Variants in ACER3 observed in about 807,000 individuals in gnomAD.
The protein encoded by ACER3 is alkaline ceramidase 3.
ACER3 carries 16 observed loss-of-function variants against 48.9 expected under a neutral mutation model. That is an observed-to-expected ratio of 0.33 (90% CI 0.22 to 0.50). The LOEUF (loss-of-function observed/expected upper bound fraction) is 0.50, where lower values mean the gene tolerates loss of function less well. Among genes scored for constraint, ACER3 ranks in the 20% least tolerant of loss-of-function variants. The pLI, the probability that ACER3 is intolerant of heterozygous loss-of-function variation, is 0.98. For synonymous variants in ACER3, 109 were observed against 107.8 expected (o/e 1.01, Z -0.07); for missense variants, 227 against 326.0 (o/e 0.70, Z 2.34).
At chr11:76,933,341 G>T (rs1947070726) in intron 2 of ACER3, among the ~76,000 whole-genome samples, 2 of 143,312 alleles carry the variant, frequency 1.4e-5, no homozygotes, top group Non-Finnish European at 3.1e-5. Flanking sequence ...GGGGGATTTG[G>T]CAAGGTCATA....
intron 1 of ACER3, among the ~76,000 whole-genome samples, chr11:76,911,860 A>G (rs971830859): frequency 4.6e-5 from 7 of 152,184 alleles, no homozygotes; most frequent in Admixed American, 3.9e-4. Flanking sequence ...GGCAAGGGGA[A>G]TGAGGGAGTG....
intron 1 of ACER3, among the ~76,000 whole-genome samples, chr11:76,879,219 T>TA (rs1945463860): frequency 6.6e-6 from 1 of 152,152 alleles, no homozygotes. Context: ...GCTTGTCTAT[T>TA]ACCATATTTT....
intron 1 of ACER3, among the ~76,000 whole-genome samples, chr11:76,864,663 G>A (rs1417941428): frequency 6.6e-5 from 9 of 135,886 alleles, no homozygotes; most frequent in Admixed American, 2.4e-4. Flanking sequence ...GCAGTGTCGC[G>A]ATCTCGGCTC....
At chr11:76,929,518 G>A (rs1409856315) in intron 2 of ACER3, among the ~76,000 whole-genome samples, 3 of 152,232 alleles carry the variant, frequency 2.0e-5, no homozygotes, top group African/African-American at 7.2e-5. Flanking sequence ...AGTGGTGAGA[G>A]AGGGCATCCC....
chr11:76,980,785 T>G (rs1215544890), intron 4 of ACER3, among the ~76,000 whole-genome samples: 1 of 152,230 alleles, frequency 6.6e-6, no homozygotes, highest in Non-Finnish European at 1.5e-5. Flanking sequence ...ATTTAGTAAC[T>G]GAATGAGCTT....
intron 1 of ACER3, among the ~76,000 whole-genome samples, chr11:76,880,742 G>A (rs1284504729): frequency 6.6e-6 from 1 of 152,164 alleles, no homozygotes; most frequent in Non-Finnish European, 1.5e-5. Flanking sequence ...GGGAAGATTA[G>A]AGTATATTTT....
In ACER3 at chr11:76,985,712, A is replaced by G. The variant is rs769455875; in HGVS notation, c.390A>G (p.Leu130=). The G allele has an allele frequency of 5.2e-6, 8 of 1,538,502 alleles. No homozygotes were observed. The highest frequency in any genetic ancestry group is 7.0e-6 in the Non-Finnish European group (8 of 1,145,112). The change falls in exon 5 of 11, where the codon TTA becomes TTG. Residue 130 remains leucine (L), a synonymous_variant. Transcript: ENST00000532485. ...TTTTTACCTTAGTTCTATTCAGTTT[A>G]ATAGTAACCACAGTAAGTCATATTT... ...HLLFTLVLFS[L]IVTTVYLKVK... is the part of the protein sequence containing the mutation.
At chr11:76,992,924 A>G (rs528033873) in intron 6 of ACER3, among the ~76,000 whole-genome samples, 61 of 151,756 alleles carry the variant, frequency 4.0e-4, no homozygotes, top group African/African-American at 1.5e-3. Context: ...GCTGGAGTGC[A>G]GTGGCTCAAT....
chr11:76,947,773 G>A (rs1947514773), intron 2 of ACER3, among the ~76,000 whole-genome samples: 2 of 152,144 alleles, frequency 1.3e-5, no homozygotes, highest in Admixed American at 1.3e-4. Flanking sequence ...TCATCCAACA[G>A]AAATAATATT....
rs12789040 is a variant in ACER3 at position 76,966,566 on chromosome 11, A to T, written c.267+7535A>T. Among the ~76,000 whole-genome samples, 42 of 151,004 alleles carry T rather than the reference A, an allele frequency of 2.8e-4. 1 individual carries two copies. Among genetic ancestry groups the T allele is most frequent in the Admixed American group, 8.5e-4 (13 of 15,222 alleles). On this transcript the variant is annotated intron_variant, in intron 3 of 10. Transcript: ENST00000532485. ...TTGACCACATAGTTGGAAGTAAAGC[A>T]CTCCTCAGCAAATGTAAAAGAACAA...
chr11:76,921,582 C>A (rs566412297), intron 1 of ACER3, among the ~76,000 whole-genome samples: 2 of 152,040 alleles, frequency 1.3e-5, no homozygotes, highest in South Asian at 4.1e-4. Context: ...CCTTGTTAGT[C>A]GGCCTTGATA....
intron 1 of ACER3, among the ~76,000 whole-genome samples, chr11:76,867,401 G>A (rs1024739912): frequency 6.8e-6 from 1 of 146,112 alleles, no homozygotes; most frequent in Non-Finnish European, 1.5e-5. Context: ...CGCTGGAGGC[G>A]GAGGTTGCAG....
At chr11:76,986,902 C>G (rs945756795) in intron 5 of ACER3, among the ~76,000 whole-genome samples, 1 of 151,962 alleles carries the variant, frequency 6.6e-6, no homozygotes, top group Non-Finnish European at 1.5e-5. Context: ...CCTGTCTCTA[C>G]TAAAAATGGA....
At chr11:76,876,377 A>T (rs1302528746) in intron 1 of ACER3, among the ~76,000 whole-genome samples, 2 of 151,730 alleles carry the variant, frequency 1.3e-5, no homozygotes, top group Non-Finnish European at 2.9e-5. Context: ...TTTGTTCAGC[A>T]TGTTTTTGAG....
At chr11:76,868,716 T>C (rs928945737) in intron 1 of ACER3, among the ~76,000 whole-genome samples, 7 of 152,208 alleles carry the variant, frequency 4.6e-5, no homozygotes, top group African/African-American at 1.7e-4. Flanking sequence ...GGTTTCCCCA[T>C]TCAGTCTATT....
At chr11:76,995,691 CTA>C (rs1948896203) in intron 6 of ACER3, among the ~76,000 whole-genome samples, 1 of 152,016 alleles carries the variant, frequency 6.6e-6, no homozygotes, top group African/African-American at 2.4e-5. Context: ...AAATCAGTTT[CTA>C]TATAGTCGGA....
At chr11:76,876,294 G>C (rs1489559793) in intron 1 of ACER3, among the ~76,000 whole-genome samples, 1 of 149,554 alleles carries the variant, frequency 6.7e-6, no homozygotes, top group Non-Finnish European at 1.5e-5. Flanking sequence ...CCCTACCATA[G>C]ATTAGGTTTG....
At chr11:76,918,196 G>A (rs1361503218) in intron 1 of ACER3, among the ~76,000 whole-genome samples, 1 of 150,862 alleles carries the variant, frequency 6.6e-6, no homozygotes, top group African/African-American at 2.4e-5. Context: ...CTTGATAAAT[G>A]TTTGTCAAAT....
intron 1 of ACER3, among the ~76,000 whole-genome samples, chr11:76,903,943 T>A (rs922190505): frequency 3.9e-5 from 6 of 152,180 alleles, no homozygotes; most frequent in Admixed American, 1.3e-4. Flanking sequence ...TTCATCTATA[T>A]GATAAAAACA....
Sources: allele counts gnomAD v4.1 joint callset (sites outside exome capture counted in the v4.1 genomes callset), GRCh38; gene constraint gnomAD v4.1.1; transcripts MANE v1.5; gene names NCBI Gene and HGNC (gene_info 2026-07-23, HGNC 2026-07-21).